Variants in CES5A observed in about 807,000 individuals in gnomAD.
CES5A encodes the protein carboxylesterase 5A.
CES5A carries 67 observed loss-of-function variants against 62.9 expected under a neutral mutation model. The ratio of observed to expected loss-of-function variants is 1.07; its 90% CI spans 0.88 to 1.31. The LOEUF (loss-of-function observed/expected upper bound fraction) is 1.31. Ranked by LOEUF, CES5A falls within the 50% of genes most tolerant of loss-of-function variation. CES5A has a pLI of 0.00. For missense variants in CES5A, 748 were observed against 708.5 expected (o/e 1.06, Z -0.63); for synonymous variants, 296 against 280.8 (o/e 1.05, Z -0.54).
At chr16:55,906,925 T>G (rs970252497) in intron 1 of CES5A, among the ~76,000 whole-genome samples, 1 of 152,116 alleles carries the variant, frequency 6.6e-6, no homozygotes, top group African/African-American at 2.4e-5. Context: ...CTCAGGCAAG[T>G]TTGTTTCTCT....
At chr16:55,853,447 T>C (rs1597111015) in intron 9 of CES5A, among the ~76,000 whole-genome samples, 2 of 152,340 alleles carry the variant, frequency 1.3e-5, no homozygotes, top group African/African-American at 2.4e-5. Context: ...AAACCAAATG[T>C]AGGACCCTTC....
chr16:55,939,034 G>A (rs1178844741), intron 2 of CES5A, among the ~76,000 whole-genome samples: 2 of 151,542 alleles, frequency 1.3e-5, no homozygotes, highest in African/African-American at 4.9e-5. Flanking sequence ...TATGTGCTTT[G>A]GCAAGCTGAT....
chr16:55,861,374 GGC>G (rs768834813), intron 7 of CES5A, 36 bp downstream of exon 7: 18 of 1,182,976 alleles, frequency 1.5e-5, no homozygotes, highest in Non-Finnish European at 1.9e-5. Flanking sequence ...CCGTTCGAAG[GGC>G]AAGCCTGCCC....
upstream of CES5A, among the ~76,000 whole-genome samples, chr16:55,876,764 C>A (rs915369067): frequency 2.6e-5 from 4 of 152,202 alleles, no homozygotes; most frequent in Non-Finnish European, 4.4e-5. Flanking sequence ...GGGGGTGGTC[C>A]TATTTCCCTT....
chr16:55,887,308 C>A (rs1216313977), intron 1 of CES5A, among the ~76,000 whole-genome samples: 5 of 142,442 alleles, frequency 3.5e-5, no homozygotes, highest in African/African-American at 1.0e-4. Flanking sequence ...GTTGACCCAA[C>A]AAAGAGTCCA....
chr16:55,927,983 C>G (rs1213521682), upstream of CES5A, among the ~76,000 whole-genome samples: 1 of 152,184 alleles, frequency 6.6e-6, no homozygotes, highest in South Asian at 2.1e-4. Context: ...GTGGCTCACG[C>G]CTGTAATCCC....
intron 4 of CES5A, among the ~76,000 whole-genome samples, chr16:55,867,497 G>A (rs147436688): frequency 6.6e-6 from 1 of 152,164 alleles, no homozygotes; most frequent in African/African-American, 2.4e-5. Flanking sequence ...TCTCCAGACT[G>A]CTCCTTCCCC....
intron 2 of CES5A, among the ~76,000 whole-genome samples, chr16:55,932,463 TGTTA>T (rs771973514): frequency 1.0e-3 from 156 of 151,872 alleles, no homozygotes; most frequent in African/African-American, 3.4e-3. Flanking sequence ...AGAGTAAATA[TGTTA>T]GTTAGTTAGT....
chr16:55,941,912 T>C (rs1206070584), intron 2 of CES5A, among the ~76,000 whole-genome samples: 1 of 152,130 alleles, frequency 6.6e-6, no homozygotes, highest in Non-Finnish European at 1.5e-5. Flanking sequence ...ATCTTATACT[T>C]TTAAAATAAA....
chr16:55,875,109 C>T, intron 1 of CES5A, 40 bp downstream of exon 1: 1 of 1,589,154 alleles, frequency 6.3e-7, no homozygotes, highest in Non-Finnish European at 8.6e-7. Flanking sequence ...CTCACCCACC[C>T]CATCTTCTGA....
intron 1 of CES5A, among the ~76,000 whole-genome samples, chr16:55,897,975 G>T (rs1203325288): frequency 6.6e-6 from 1 of 152,166 alleles, no homozygotes; most frequent in Non-Finnish European, 1.5e-5. Context: ...AGCATGAAAA[G>T]CATATATACT....
rs768968440 is a variant in CES5A, at chr16:55,875,225, GCTGC to G, written c.-8_-5del. On this transcript the variant is annotated 5_prime_UTR_variant, in exon 1 of 13. Coordinates refer to ENST00000290567, the MANE Select transcript of CES5A (RefSeq NM_001143685.2). Reference sequence around the variant, plus strand: ...GGTGCACCCAATTCCCACTCATTTGGCTGCCTGCCTGCACTCTGTGAACATTGAC... The same window carrying G: ...GGTGCACCCAATTCCCACTCATTTGGCTGCCTGCACTCTGTGAACATTGAC... The G allele has an allele frequency of 6.2e-7, 1 of 1,613,474 alleles. No homozygotes were observed. The highest frequency in any genetic ancestry group is 8.5e-7 in the Non-Finnish European group (1 of 1,179,714).
rs536854957 is a variant in CES5A, at chr16:55,921,041, T to C, written c.-256+4282A>G. ...TCAAGCAAAGGAAAGATCAGTGAGC[T>C]TGAAGATAGGCTTTTGAAAATACAC... On this transcript the variant is annotated intron_variant, in intron 1 of 12. Coordinates refer to the CES5A transcript ENST00000518005. Among the ~76,000 whole-genome samples the C allele has an allele frequency of 3.9e-5, 6 of 152,288 alleles. No homozygotes were observed. The East Asian group carries it at 1.2e-3, about 29-fold the overall frequency.
At chr16:55,934,045 C>T (rs948338548) in intron 2 of CES5A, among the ~76,000 whole-genome samples, 7 of 152,280 alleles carry the variant, frequency 4.6e-5, no homozygotes, top group Middle Eastern at 3.4e-3. Flanking sequence ...GATTTGCTCA[C>T]TCATACATCT....
intron 1 of CES5A, among the ~76,000 whole-genome samples, chr16:55,905,156 A>T (rs1265082483): frequency 6.6e-6 from 1 of 152,004 alleles, no homozygotes; most frequent in African/African-American, 2.4e-5. Context: ...TTCTCCCCAG[A>T]CTTCTTACAG....
At chr16:55,881,070 A>G (rs1382276762) in intron 1 of CES5A, among the ~76,000 whole-genome samples, 1 of 152,194 alleles carries the variant, frequency 6.6e-6, no homozygotes, top group African/African-American at 2.4e-5. Context: ...GATGCATTTG[A>G]GAACTATGAA....
upstream of CES5A, among the ~76,000 whole-genome samples, chr16:55,877,058 T>C (rs1473333723): frequency 6.6e-6 from 1 of 152,072 alleles, no homozygotes; most frequent in Non-Finnish European, 1.5e-5. Context: ...TAAGAATTCA[T>C]CCTCCTCCCA....
At chr16:55,873,615 T>C (rs1219033612) in intron 2 of CES5A, among the ~76,000 whole-genome samples, 3 of 152,152 alleles carry the variant, frequency 2.0e-5, no homozygotes, top group South Asian at 2.1e-4. Context: ...GAAGGGAGCT[T>C]GGAGAATCTG....
intron 2 of CES5A, among the ~76,000 whole-genome samples, chr16:55,942,315 T>G (rs1432030774): frequency 2.6e-5 from 4 of 152,206 alleles, no homozygotes; most frequent in African/African-American, 7.2e-5. Context: ...TTTTGCCACA[T>G]TTATATCTGA....
Sources: gnomAD v4.1 joint callset for allele counts (sites outside exome capture counted in the v4.1 genomes callset) on GRCh38, gnomAD v4.1.1 for gene constraint, MANE v1.5 for transcripts, NCBI Gene and HGNC (gene_info 2026-07-23, HGNC 2026-07-21) for gene names.